SENP8: variants seen among roughly 807,000 people sequenced by gnomAD.
The protein encoded by SENP8 is SUMO peptidase family member, NEDD8 specific, also known as sentrin-specific protease 8.
Under a neutral mutation model 14.4 loss-of-function variants are expected in SENP8, and 10 were observed. The ratio of observed to expected loss-of-function variants is 0.69; its 90% CI spans 0.43 to 1.18. The LOEUF (loss-of-function observed/expected upper bound fraction) is 1.18, where lower values mean the gene tolerates loss of function less well. Ranked by LOEUF, SENP8 falls within the 50% of genes most tolerant of loss-of-function variation. The pLI is 0.00. For missense variants in SENP8, 202 were observed against 249.4 expected (o/e 0.81, Z 1.28); for synonymous variants, 94 against 95.5 (o/e 0.98, Z 0.09).
At chr15:72,130,935 C>A (rs952647351) in intron 1 of SENP8, among the ~76,000 whole-genome samples, 1 of 152,118 alleles carries the variant, frequency 6.6e-6, no homozygotes, top group African/African-American at 2.4e-5. Context: ...GAATATAGAG[C>A]TAGTGGAAAC....
chr15:72,114,404 G>A (rs570320345), upstream of SENP8: 6 of 152,198 alleles, frequency 3.9e-5, no homozygotes, highest in Admixed American at 1.3e-4. Context: ...AAAGTAATAA[G>A]GAATGACCTG....
In SENP8 at chr15:72,139,677, C is replaced by G; in HGVS notation, c.54C>G (p.Val18=). Residue 18 remains valine, a synonymous_variant, in exon 2 of 2, where the codon GTC becomes GTG. Transcript: ENST00000340912. Reference sequence around the variant, plus strand: ...ACAGTCTACTGCGGCAATCAGATGTCTCACTATTGGATCCGCCAAGCTGGC... The same window carrying G: ...ACAGTCTACTGCGGCAATCAGATGTGTCACTATTGGATCCGCCAAGCTGGC... ...YMDSLLRQSD[V]SLLDPPSWLN... 1 of 1,614,194 alleles carries G rather than the reference C, an allele frequency of 6.2e-7. No homozygotes were observed. Among genetic ancestry groups the G allele is most frequent in the Non-Finnish European group, 8.5e-7 (1 of 1,180,032 alleles).
chr15:72,128,998 G>A (rs1200066018), intron 1 of SENP8, among the ~76,000 whole-genome samples: 3 of 152,068 alleles, frequency 2.0e-5, no homozygotes, highest in African/African-American at 7.2e-5. Flanking sequence ...TCACAATTCT[G>A]GAATAGTATG....
At chr15:72,135,487 A>G (rs952618915) in intron 1 of SENP8, 1 of 152,210 alleles carries the variant, frequency 6.6e-6, no homozygotes, top group South Asian at 2.1e-4. Flanking sequence ...CAGAAAAGGA[A>G]AGTGAGAGTT....
chr15:72,140,145 G>A lies in SENP8; in HGVS notation c.522G>A (p.Leu174=), dbSNP rs754539707. Residue 174 remains leucine (L), a synonymous_variant, in exon 2 of 2, where the codon TTG becomes TTA. Transcript: ENST00000340912. The part of the protein sequence containing the change: ...GMYVICNTEA[L]CQNFFRQQTE... ...ACGTGATATGTAACACTGAGGCCTT[G>A]TGTCAGAACTTCTTTAGGCAACAGA... 1.2e-6 allele frequency: 2 copies of A among 1,614,162 alleles called. No homozygotes were observed. Among genetic ancestry groups the A allele is most frequent in the Non-Finnish European group, 1.7e-6 (2 of 1,180,040 alleles).
chr15:72,122,872 A>G (rs1363329404), intron 1 of SENP8, among the ~76,000 whole-genome samples: 2 of 152,234 alleles, frequency 1.3e-5, no homozygotes, highest in African/African-American at 4.8e-5. Flanking sequence ...ATCAACTTAT[A>G]AAAGCACTGG....
chr15:72,126,378 C>T (rs890992975), intron 1 of SENP8, among the ~76,000 whole-genome samples: 7 of 151,936 alleles, frequency 4.6e-5, no homozygotes, highest in Non-Finnish European at 7.4e-5. Context: ...AATCCCAGCA[C>T]GCTGAGAGGC....
In SENP8 at chr15:72,139,985, A is replaced by C. The variant is rs756043459; in HGVS notation, c.362A>C (p.His121Pro). Residue 121 changes from histidine to proline, a missense_variant, in exon 2 of 2, where the codon CAT becomes CCT. Physicochemically the swap from His to Pro is moderately conservative, Grantham distance 77. Transcript: ENST00000340912. ...DKNSFFHYDSHSRSNSVHAKQ... is the reference protein window; with the variant it reads ...DKNSFFHYDSPSRSNSVHAKQ... Reference sequence around the variant, plus strand: ...AATAGCTTTTTTCATTATGATTCCCATAGCAGGAGCAACTCAGTTCACGCA... The same window carrying C: ...AATAGCTTTTTTCATTATGATTCCCCTAGCAGGAGCAACTCAGTTCACGCA... 6.2e-7 allele frequency: 1 copy of C among 1,614,118 alleles called. No homozygotes were observed. Among genetic ancestry groups the C allele is most frequent in the Non-Finnish European group, 8.5e-7 (1 of 1,180,056 alleles).
Position 72,141,440 on chromosome 15 carries a change from A to C in SENP8, c.*1178A>C, listed in dbSNP as rs2081379554. ...AACAACCAGATGACATGTTAGGTAC[A>C]CAAATTAATTCTATTCCTAATGAGA... On this transcript the variant is annotated 3_prime_UTR_variant, in exon 2 of 2. Coordinates refer to ENST00000340912, the MANE Select transcript of SENP8 (RefSeq NM_145204.4). 6.6e-6 allele frequency: 1 copy of C among 152,226 alleles called. No homozygotes were observed. Among genetic ancestry groups the C allele is most frequent in the Non-Finnish European group, 1.5e-5 (1 of 68,044 alleles). The allele number at this position is 152,226 out of a possible 1,614,324, so 9.4% of individuals were successfully genotyped here.
chr15:72,117,534 C>G (rs1410865184), upstream of SENP8: 2 of 349,268 alleles, frequency 5.7e-6, no homozygotes, highest in East Asian at 8.6e-5. Flanking sequence ...GGGCCGTGAT[C>G]TGGTGTTTGG....
At chr15:72,137,688 T>C (rs903759456) in intron 1 of SENP8, among the ~76,000 whole-genome samples, 2 of 152,164 alleles carry the variant, frequency 1.3e-5, no homozygotes, top group African/African-American at 4.8e-5. Flanking sequence ...AAATTAATGT[T>C]GAGGCCAGGC....
At position 72,140,179 on chromosome 15, in the gene SENP8, C is replaced by T. The variant is rs557437621; in HGVS notation, c.556C>T (p.Leu186=). ...QNFFRQQTES[L]LQLLTPAYIT... ...CTTCTTTAGGCAACAGACAGAATCACTGCTGCAGCTACTCACCCCTGCATA... is the reference window on the plus strand; with the variant it reads ...CTTCTTTAGGCAACAGACAGAATCATTGCTGCAGCTACTCACCCCTGCATA... Residue 186 remains leucine (L), a synonymous_variant, in exon 2 of 2, where the codon CTG becomes TTG. Coordinates refer to ENST00000340912, the MANE Select transcript of SENP8 (RefSeq NM_145204.4). The T allele has an allele frequency of 6.2e-6, 10 of 1,614,174 alleles. No individual in the cohort carries two copies. In the South Asian group the frequency reaches 1.1e-4, roughly 18 times the overall value.
chr15:72,121,517 C>A (rs1395308014), intron 1 of SENP8, among the ~76,000 whole-genome samples: 1 of 151,804 alleles, frequency 6.6e-6, no homozygotes. Context: ...TCACTTGAGC[C>A]CAGGAGTTCA....
At chr15:72,121,220 A>G (rs2081164567) in intron 1 of SENP8, among the ~76,000 whole-genome samples, 1 of 152,146 alleles carries the variant, frequency 6.6e-6, no homozygotes, top group Non-Finnish European at 1.5e-5. Context: ...ATAAATCAGG[A>G]AAGGTAGATT....
chr15:72,129,905 G>A (rs2081256458), intron 1 of SENP8, among the ~76,000 whole-genome samples: 1 of 151,874 alleles, frequency 6.6e-6, no homozygotes, highest in African/African-American at 2.4e-5. Context: ...AAGTTAATCT[G>A]GCCAGGCACC....
At chr15:72,114,920 TCTG>T (rs2080914545), upstream of SENP8, among the ~76,000 whole-genome samples, 1 of 152,238 alleles carries the variant, frequency 6.6e-6, no homozygotes, top group Admixed American at 6.5e-5. Context: ...CCTACATTTC[TCTG>T]CTATTAAAGA....
At chr15:72,139,100 C>A (rs936274404) in intron 1 of SENP8, among the ~76,000 whole-genome samples, 1 of 151,244 alleles carries the variant, frequency 6.6e-6, no homozygotes, top group South Asian at 2.1e-4. Context: ...CCAATTAACA[C>A]GTTTTGTAAA....
At chr15:72,125,802 CTTT>C (rs2081212507) in intron 1 of SENP8, among the ~76,000 whole-genome samples, 1 of 151,492 alleles carries the variant, frequency 6.6e-6, no homozygotes, top group African/African-American at 2.4e-5. Flanking sequence ...AATCTTTTTT[CTTT>C]TTTATTTATT....
chr15:72,116,381 A>G (rs775473212), upstream of SENP8, among the ~76,000 whole-genome samples: 3 of 152,220 alleles, frequency 2.0e-5, no homozygotes, highest in Non-Finnish European at 4.4e-5. Flanking sequence ...ATGCAACATT[A>G]CATTTCTTTC....
Sources: allele counts gnomAD v4.1 joint callset (sites outside exome capture counted in the v4.1 genomes callset), GRCh38; gene constraint gnomAD v4.1.1; transcripts MANE v1.5; gene names NCBI Gene and HGNC (gene_info 2026-07-23, HGNC 2026-07-21).